ZNF804A: variants seen among roughly 807,000 people sequenced by gnomAD.
ZNF804A encodes zinc finger protein 804A.
ZNF804A carries 2 observed loss-of-function variants against 16.5 expected under a neutral mutation model. That is an observed-to-expected ratio of 0.12 (90% CI 0.05 to 0.38). ZNF804A has a LOEUF of 0.38. Among genes scored for constraint, ZNF804A ranks in the 10% least tolerant of loss-of-function variants. ZNF804A has a pLI of 0.99. For synonymous variants in ZNF804A, 534 were observed against 489.6 expected, an observed-to-expected ratio of 1.09 and a Z score of -1.20; for missense variants, 1,473 against 1,390.7, an observed-to-expected ratio of 1.06 and a Z score of -0.94.
chr2:184,703,362 T>C (rs1692958971), intron 1 of ZNF804A, among the ~76,000 whole-genome samples: 2 of 152,096 alleles, frequency 1.3e-5, no homozygotes, highest in African/African-American at 4.8e-5. Context: ...AAAGCATGCA[T>C]AGTGAACACA....
At chr2:184,682,734 C>T (rs1692562785) in intron 1 of ZNF804A, among the ~76,000 whole-genome samples, 1 of 152,128 alleles carries the variant, frequency 6.6e-6, no homozygotes, top group South Asian at 2.1e-4. Flanking sequence ...GTTTCCACCC[C>T]CGGTAAGTTA....
chr2:184,849,916 C>T (rs1039025033), intron 1 of ZNF804A, among the ~76,000 whole-genome samples: 1 of 151,946 alleles, frequency 6.6e-6, no homozygotes, highest in Non-Finnish European at 1.5e-5. Flanking sequence ...TCATTTGAGA[C>T]ATCATGGATG....
intron 2 of ZNF804A, among the ~76,000 whole-genome samples, chr2:184,921,697 T>G (rs569316439): frequency 1.4e-4 from 22 of 152,182 alleles, no homozygotes; most frequent in Non-Finnish European, 2.5e-4. Flanking sequence ...GTCACCTTTT[T>G]GTGCTCAAAA....
intron 1 of ZNF804A, among the ~76,000 whole-genome samples, chr2:184,689,504 G>A (rs1222674703): frequency 6.6e-6 from 1 of 151,966 alleles, no homozygotes; most frequent in Non-Finnish European, 1.5e-5. Context: ...AAGGAATTTG[G>A]TAAGAACATA....
chr2:184,720,209 A>C (rs1052843468), intron 1 of ZNF804A, among the ~76,000 whole-genome samples: 1 of 152,174 alleles, frequency 6.6e-6, no homozygotes, highest in African/African-American at 2.4e-5. Context: ...CCCATAATTC[A>C]GTCACCTCCC....
intron 1 of ZNF804A, among the ~76,000 whole-genome samples, chr2:184,602,881 G>T (rs1025654229): frequency 6.6e-6 from 1 of 152,018 alleles, no homozygotes; most frequent in African/African-American, 2.4e-5. Flanking sequence ...GGAATATCTA[G>T]GGATCATTAT....
chr2:184,850,228 G>A (rs1695581467), intron 1 of ZNF804A, among the ~76,000 whole-genome samples: 1 of 151,766 alleles, frequency 6.6e-6, no homozygotes, highest in Non-Finnish European at 1.5e-5. Context: ...GGAATTAGAA[G>A]GTTCCTAACA....
At chr2:184,693,929 CTT>C (rs34131171) in intron 1 of ZNF804A, among the ~76,000 whole-genome samples, 20 of 121,202 alleles carry the variant, frequency 1.7e-4, no homozygotes, top group Admixed American at 1.7e-4. Flanking sequence ...CTAACTTAGT[CTT>C]TTTTTTTTTT....
intron 1 of ZNF804A, among the ~76,000 whole-genome samples, chr2:184,671,737 C>A (rs1185345312): frequency 6.6e-6 from 1 of 152,186 alleles, no homozygotes; most frequent in Non-Finnish European, 1.5e-5. Context: ...CTTTGCAGAG[C>A]CACATTGGCC....
chr2:184,661,302 G>A (rs1692172218), intron 1 of ZNF804A, among the ~76,000 whole-genome samples: 1 of 152,132 alleles, frequency 6.6e-6, no homozygotes. Flanking sequence ...GAGTAGGAAG[G>A]GAGGGTTACA....
At chr2:184,824,942 G>A (rs1695136372) in intron 1 of ZNF804A, among the ~76,000 whole-genome samples, 1 of 152,108 alleles carries the variant, frequency 6.6e-6, no homozygotes, top group Non-Finnish European at 1.5e-5. Context: ...AAGTCCTATG[G>A]AGTCAGTCCT....
intron 2 of ZNF804A, among the ~76,000 whole-genome samples, chr2:184,931,026 G>C (rs1685689854): frequency 6.6e-6 from 1 of 152,228 alleles, no homozygotes; most frequent in South Asian, 2.1e-4. Context: ...TAGCAGGCAA[G>C]AGAGCATGTG....
At chr2:184,728,687 A>G (rs1456667449) in intron 1 of ZNF804A, among the ~76,000 whole-genome samples, 2 of 152,058 alleles carry the variant, frequency 1.3e-5, no homozygotes, top group Non-Finnish European at 2.9e-5. Context: ...GTTTCTTTCT[A>G]TCCTGAAATG....
At chr2:184,772,940 TAC>T (rs1694238185) in intron 1 of ZNF804A, among the ~76,000 whole-genome samples, 3 of 147,822 alleles carry the variant, frequency 2.0e-5, no homozygotes, top group South Asian at 4.3e-4. Context: ...CACATATATA[TAC>T]ATATACATAT....
chr2:184,656,164 T>C (rs1220655850), intron 1 of ZNF804A, among the ~76,000 whole-genome samples: 1 of 152,162 alleles, frequency 6.6e-6, no homozygotes, highest in Non-Finnish European at 1.5e-5. Flanking sequence ...ATTTATGGTA[T>C]GTGTATCTGT....
chr2:184,716,665 T>C (rs139418237), intron 1 of ZNF804A, among the ~76,000 whole-genome samples: 151 of 152,234 alleles, frequency 9.9e-4, no homozygotes, highest in African/African-American at 3.5e-3. Flanking sequence ...ATGGAGTGAA[T>C]AACTTTTAGT....
At chr2:184,710,211 A>C (rs1208211309) in intron 1 of ZNF804A, among the ~76,000 whole-genome samples, 1 of 151,660 alleles carries the variant, frequency 6.6e-6, no homozygotes. Flanking sequence ...GTAAGTTTTG[A>C]AGTACGTGGG....
Position 184,911,651 on chromosome 2 carries a change from G to A in ZNF804A, c.256-21952G>A, listed in dbSNP as rs911621654. 2.1e-5 allele frequency among the ~76,000 whole-genome samples: 3 copies of A among 146,298 alleles called. No homozygotes were observed. In the East Asian group the frequency reaches 5.8e-4, roughly 28 times the overall value. ...TTTGTGTAATCTGTGATTTATTTCA[G>A]TAGTGCTTTGTAGTTTTCCTTGTGG... On this transcript the variant is annotated intron_variant, in intron 2 of 3. Coordinates refer to ENST00000302277, the MANE Select transcript of ZNF804A (RefSeq NM_194250.2).
intron 1 of ZNF804A, among the ~76,000 whole-genome samples, chr2:184,650,094 C>G (rs564319464): frequency 1.3e-5 from 2 of 152,118 alleles, no homozygotes; most frequent in Admixed American, 1.3e-4. Context: ...AACAGCACAT[C>G]AAAAAGTTAA....
Sources: allele counts gnomAD v4.1 joint callset (sites outside exome capture counted in the v4.1 genomes callset), GRCh38; gene constraint gnomAD v4.1.1; transcripts MANE v1.5; gene names NCBI Gene and HGNC (gene_info 2026-07-23, HGNC 2026-07-21).